Variants in ZYG11B observed in about 807,000 individuals in gnomAD.
ZYG11B encodes protein zyg-11 homolog B.
In ZYG11B, 36 loss-of-function variants were observed where a neutral mutation model predicts 82.4. The ratio of observed to expected loss-of-function variants is 0.44; its 90% confidence interval spans 0.33 to 0.58. ZYG11B has a LOEUF of 0.58. ZYG11B is among the 20% of genes least tolerant of loss of function. The pLI is 0.02. For synonymous variants in ZYG11B, 303 were observed against 312.8 expected (o/e 0.97, Z 0.33); for missense variants, 552 against 895.6 (o/e 0.62, Z 4.90).
chr1:52,774,836 C>G (rs1404365406), intron 3 of ZYG11B, among the ~76,000 whole-genome samples: 1 of 151,986 alleles, frequency 6.6e-6, no homozygotes, highest in African/African-American at 2.4e-5. Flanking sequence ...CATCAGTTTC[C>G]TGAACCTTCC....
At chr1:52,780,441 G>A (rs942854015) in intron 4 of ZYG11B, among the ~76,000 whole-genome samples, 1 of 151,956 alleles carries the variant, frequency 6.6e-6, no homozygotes, top group East Asian at 1.9e-4. Flanking sequence ...TTGAGCCCAG[G>A]AGTTCGAGAC....
At chr1:52,762,611 G>A (rs536574431) in intron 2 of ZYG11B, among the ~76,000 whole-genome samples, 2 of 151,696 alleles carry the variant, frequency 1.3e-5, no homozygotes, top group African/African-American at 4.8e-5. Flanking sequence ...ACGAAGTTTT[G>A]CTCTTGTCAC....
chr1:52,763,888 C>T, intron 2 of ZYG11B, among the ~76,000 whole-genome samples: 1 of 152,236 alleles, frequency 6.6e-6, no homozygotes, highest in Admixed American at 6.5e-5. Context: ...TGAAACATTA[C>T]GAATTGCTTC....
intron 6 of ZYG11B, among the ~76,000 whole-genome samples, chr1:52,794,695 T>C (rs903185908): frequency 5.9e-5 from 9 of 152,148 alleles, no homozygotes; most frequent in African/African-American, 2.2e-4. Context: ...GGCAGTGATA[T>C]TTGATCTGAG....
chr1:52,809,428 TC>T (rs1645166095), intron 10 of ZYG11B, among the ~76,000 whole-genome samples: 1 of 152,320 alleles, frequency 6.6e-6, no homozygotes, highest in East Asian at 1.9e-4. Context: ...ATACAGGTGA[TC>T]CGCTTGCCTC....
intron 5 of ZYG11B, among the ~76,000 whole-genome samples, chr1:52,789,124 T>G (rs956287096): frequency 1.3e-5 from 2 of 152,224 alleles, no homozygotes; most frequent in Admixed American, 1.3e-4. Context: ...CACCTGGGAT[T>G]CACTACCACT....
At chr1:52,803,187 T>TACACATATATATATATACAC (rs1645103058) in intron 10 of ZYG11B, among the ~76,000 whole-genome samples, 3 of 78,298 alleles carry the variant, frequency 3.8e-5, no homozygotes, top group South Asian at 3.8e-4. Flanking sequence ...TATATATATA[T>TACACATATATATATATACAC]ACACATATAT....
intron 2 of ZYG11B, among the ~76,000 whole-genome samples, chr1:52,770,182 C>G (rs1225905125): frequency 6.7e-6 from 1 of 150,180 alleles, no homozygotes; most frequent in African/African-American, 2.4e-5. Flanking sequence ...ACCACAAACT[C>G]CTGGGCTCAA....
In ZYG11B at chr1:52,753,597, G is replaced by GT. The variant is rs373366289; in HGVS notation, c.31-2854dup. ...CCAACATGCCTGGCTAATTTTTTGTGTTTTTTTGTTTTTTTTGAGACAGAG... is the reference window on the plus strand; with the variant it reads ...CCAACATGCCTGGCTAATTTTTTGTGTTTTTTTTGTTTTTTTTGAGACAGAG... On this transcript the variant is annotated intron_variant, in intron 1 of 13. Coordinates refer to ENST00000294353, the MANE Select transcript of ZYG11B (RefSeq NM_024646.3). Among the ~76,000 whole-genome samples the GT allele has an allele frequency of 4.3e-3, 644 of 151,338 alleles. 2 individuals are homozygous for GT. The highest frequency in any genetic ancestry group is 6.7e-3 in the Non-Finnish European group (452 of 67,740).
intron 1 of ZYG11B, among the ~76,000 whole-genome samples, chr1:52,728,369 A>G (rs770949158): frequency 1.3e-5 from 2 of 152,010 alleles, no homozygotes; most frequent in African/African-American, 4.8e-5. Context: ...TGATCTTCCC[A>G]CCTCAGCCTC....
intron 3 of ZYG11B, among the ~76,000 whole-genome samples, chr1:52,776,229 A>AAAAAAAAAAAATATACATATAT: frequency 4.2e-5 from 1 of 23,536 alleles, no homozygotes; most frequent in Non-Finnish European, 1.2e-4. Context: ...TAAAAAAAAA[A>AAAAAAAAAAAATATACATATAT]ATATATATAT....
At chr1:52,807,710 T>C (rs2149962874) in intron 10 of ZYG11B, among the ~76,000 whole-genome samples, 1 of 151,938 alleles carries the variant, frequency 6.6e-6, no homozygotes, top group Non-Finnish European at 1.5e-5. Flanking sequence ...AGGCTGGTCT[T>C]GAACTCCTGA....
At chr1:52,778,613 T>C (rs1266655918) in intron 3 of ZYG11B, among the ~76,000 whole-genome samples, 2 of 152,192 alleles carry the variant, frequency 1.3e-5, no homozygotes, top group Non-Finnish European at 2.9e-5. Flanking sequence ...TAGCAGTTAT[T>C]GACACTTAGT....
chr1:52,787,055 A>C (rs199947848), intron 5 of ZYG11B, among the ~76,000 whole-genome samples: 41 of 151,236 alleles, frequency 2.7e-4, no homozygotes, highest in African/African-American at 9.2e-4. Flanking sequence ...GCACCATTGA[A>C]CTCCAGCTTG....
At chr1:52,780,155 T>C (rs889857530) in intron 4 of ZYG11B, among the ~76,000 whole-genome samples, 162 bp downstream of exon 4, 4 of 152,170 alleles carry the variant, frequency 2.6e-5, no homozygotes, top group Non-Finnish European at 4.4e-5. Context: ...AGAGAGAAGA[T>C]AGTTGTACAA....
chr1:52,808,130 A>G (rs1336711940), intron 10 of ZYG11B, among the ~76,000 whole-genome samples: 1 of 152,184 alleles, frequency 6.6e-6, no homozygotes, highest in African/African-American at 2.4e-5. Flanking sequence ...TGGGAGGCCA[A>G]GGCGGGTGGA....
intron 10 of ZYG11B, among the ~76,000 whole-genome samples, chr1:52,810,593 G>A (rs1198552732): frequency 2.6e-5 from 4 of 152,184 alleles, no homozygotes; most frequent in Admixed American, 6.5e-5. Context: ...GACACTGAGA[G>A]TCACTGTCCT....
At chr1:52,740,117 AT>A (rs1644411673) in intron 1 of ZYG11B, among the ~76,000 whole-genome samples, 1 of 152,170 alleles carries the variant, frequency 6.6e-6, no homozygotes. Context: ...TGTTTACCTT[AT>A]TATATTTCAA....
intron 13 of ZYG11B, among the ~76,000 whole-genome samples, chr1:52,817,388 G>A (rs575346308): frequency 1.9e-4 from 29 of 152,090 alleles, no homozygotes; most frequent in African/African-American, 4.6e-4. Flanking sequence ...AAGCTACGAT[G>A]TAACTCTTAT....
Sources: allele counts gnomAD v4.1 joint callset (sites outside exome capture counted in the v4.1 genomes callset), GRCh38; gene constraint gnomAD v4.1.1; transcripts MANE v1.5; gene names NCBI Gene and HGNC (gene_info 2026-07-23, HGNC 2026-07-21).